The following TTC4 variants were observed in gnomAD, a reference collection of about 807,000 sequenced individuals.
TTC4 encodes the protein hsp70/Hsp90 co-chaperone CNS1 homolog.
Under a neutral mutation model 51.9 loss-of-function variants are expected in TTC4, and 36 were observed. That is an observed-to-expected ratio of 0.69 (90% CI 0.53 to 0.92). The LOEUF is 0.92. Among genes scored for constraint, TTC4 ranks in the 40% least tolerant of loss-of-function variants. The probability of loss-of-function intolerance (pLI) is 0.00; values close to 1 mark genes in which losing one functional copy is unlikely to be tolerated. For missense variants in TTC4, 399 were observed against 454.6 expected (o/e 0.88, Z 1.11); for synonymous variants, 144 against 164.2 (o/e 0.88, Z 0.94).
Position 54,741,432 on chromosome 1 carries a change from A to C in TTC4, c.1083A>C (p.Thr361=), listed in dbSNP as rs987246107. The change falls in exon 10 of 10, where the codon ACA becomes ACC. Residue 361 remains threonine (T), a synonymous_variant. Transcript: ENST00000371281. ...QHQRYFVKAL[T]PAFLVCVGSS... The stretch of plus-strand genomic sequence containing the variant: ...GCAGGTACTTTGTAAAAGCCCTGAC[A>C]CCAGCATTTTTGGTCTGTGTAGGAT... 6 of 1,614,084 alleles carry C rather than the reference A, an allele frequency of 3.7e-6. No homozygotes were observed. Among genetic ancestry groups the C allele is most frequent in the African/African-American group, 1.3e-5 (1 of 74,916 alleles).
At chr1:54,737,018 C>T (rs1557753633) in intron 8 of TTC4, 1 of 153,638 alleles carries the variant, frequency 6.5e-6, no homozygotes, top group Non-Finnish European at 1.5e-5. Flanking sequence ...TGGCCTCTGA[C>T]ACCCCACCTT....
At chr1:54,733,036 G>A (rs1054625937) in intron 7 of TTC4, among the ~76,000 whole-genome samples, 9 of 151,666 alleles carry the variant, frequency 5.9e-5, no homozygotes, top group Admixed American at 1.3e-4. Context: ...GCAGTGAGCA[G>A]AGATTGTTCC....
At chr1:54,719,794 G>A (rs1911229) in intron 3 of TTC4, among the ~76,000 whole-genome samples, 14,063 of 151,664 alleles carry the variant, frequency 0.093, 919 homozygotes, top group South Asian at 0.19. Context: ...ATATTTTTCT[G>A]ATAATTCTGA....
chr1:54,720,715 T>C (rs1214025836), intron 3 of TTC4, among the ~76,000 whole-genome samples: 1 of 152,204 alleles, frequency 6.6e-6, no homozygotes, highest in Non-Finnish European at 1.5e-5. Flanking sequence ...AGTAATGCTG[T>C]AGTTAACATG....
Position 54,716,008 on chromosome 1 carries a change from C to CA in TTC4, c.101dup (p.Trp35ValfsTer6). 6.3e-7 allele frequency: 1 copy of CA among 1,589,658 alleles called. No individual in the cohort carries two copies. Among genetic ancestry groups the CA allele is most frequent in the Non-Finnish European group, 8.6e-7 (1 of 1,168,568 alleles). The stretch of plus-strand genomic sequence containing the variant: ...TTACCGTGGCGGCTTTCATGAGGAC[C>CA]AGTGGGAGAAGGTGGGCGGTCCTGG... On this transcript the variant is annotated frameshift_variant, in exon 1 of 10. Coordinates refer to ENST00000371281, the MANE Select transcript of TTC4 (RefSeq NM_004623.5). LOFTEE classifies it high-confidence loss of function.
Position 54,741,718 on chromosome 1 carries a change from A to T in TTC4, c.*205A>T. ...CTGGTCTTCACTTTCCTCAGTTGAT[A>T]TAAAACTCTGGGTCTTGGCCATGAT... On this transcript the variant is annotated 3_prime_UTR_variant, in exon 10 of 10. Transcript: ENST00000371281. The T allele has an allele frequency of 1.7e-6, 1 of 590,172 alleles. No individual in the cohort carries two copies. Among genetic ancestry groups the T allele is most frequent in the Non-Finnish European group, 3.0e-6 (1 of 333,054 alleles). 36.6% of individuals were successfully genotyped at this position (590,172 alleles called of 1,614,324 possible).
chr1:54,717,304 A>T (rs1252797152), intron 2 of TTC4, among the ~76,000 whole-genome samples, 188 bp from the exon 3 acceptor site: 1 of 152,136 alleles, frequency 6.6e-6, no homozygotes, highest in African/African-American at 2.4e-5. Flanking sequence ...GATATTTGGA[A>T]TTAGCATTAC....
chr1:54,717,958 G>GT (rs1645695754), intron 3 of TTC4, among the ~76,000 whole-genome samples: 1 of 152,186 alleles, frequency 6.6e-6, no homozygotes, highest in African/African-American at 2.4e-5. Flanking sequence ...CAAAAAATGT[G>GT]TTTTTCTGGC....
At chr1:54,720,505 TTTTA>T (rs35568438) in intron 3 of TTC4, among the ~76,000 whole-genome samples, 8,105 of 150,044 alleles carry the variant, frequency 0.054, 245 homozygotes, top group African/African-American at 0.08. Context: ...TTTTTTTTTT[TTTTA>T]AATAGGCTTC....
intron 3 of TTC4, among the ~76,000 whole-genome samples, chr1:54,718,658 T>A (rs1020081496): frequency 6.6e-6 from 1 of 152,228 alleles, no homozygotes; most frequent in Non-Finnish European, 1.5e-5. Context: ...GTTTCTCAAA[T>A]TTTGTAAGCC....
chr1:54,717,536 G>A lies in TTC4; in HGVS notation c.274G>A (p.Glu92Lys), dbSNP rs767190084. The A allele has an allele frequency of 6.2e-7, 1 of 1,609,340 alleles. No homozygotes were observed. Among genetic ancestry groups the A allele is most frequent in the Non-Finnish European group, 8.5e-7 (1 of 1,178,514 alleles). The change falls in exon 3 of 10, where the codon GAA (glutamate) becomes AAA (lysine). Residue 92 changes from glutamate (E) to lysine (K), a missense_variant. Coordinates refer to ENST00000371281, the MANE Select transcript of TTC4 (RefSeq NM_004623.5). ...AGATGAGGGCAATGATTACTTTAAA[G>A]AAAAAGACTACAAGAAAGCTGTAAT... ...YKDEGNDYFKEKDYKKAVISY... is the reference protein window; with the variant it reads ...YKDEGNDYFKKKDYKKAVISY...
chr1:54,724,432 A>C lies in TTC4; in HGVS notation c.594+1633A>C, dbSNP rs1443428429. 7.4e-5 allele frequency among the ~76,000 whole-genome samples: 11 copies of C among 147,742 alleles called. No individual in the cohort carries two copies. In the South Asian group the frequency reaches 2.2e-3, roughly 29 times the overall value. On this transcript the variant is annotated intron_variant, in intron 5 of 9. Transcript: ENST00000371281. ...AGGCGTGCACCACCATGCCAGGCTAATTTTTTTTTTTAATTTGTAAATTTG... is the reference window on the plus strand; with the variant it reads ...AGGCGTGCACCACCATGCCAGGCTACTTTTTTTTTTTAATTTGTAAATTTG...
At chr1:54,728,462 T>C (rs1645827022) in intron 6 of TTC4, 30 bp downstream of exon 6, 1 of 1,588,368 alleles carries the variant, frequency 6.3e-7, no homozygotes, top group East Asian at 2.3e-5. Flanking sequence ...GTTTTTATGG[T>C]CCTGCTAAAT....
At chr1:54,737,757 T>G (rs12071624) in intron 9 of TTC4, 93 bp downstream of exon 9, 95,359 of 1,296,378 alleles carry the variant, frequency 0.074, 6,028 homozygotes, top group African/African-American at 0.27. Flanking sequence ...CTGAGACTGG[T>G]CAGTTTATAA....
At position 54,741,075 on chromosome 1, in the gene TTC4, G is replaced by A. The variant is rs146481529; in HGVS notation, c.1062-336G>A. On this transcript the variant is annotated intron_variant, in intron 9 of 9. Transcript: ENST00000371281. ...TTGAGAACAAAGATGATGGTGTGTG[G>A]GTGTTGGTTTTTTAATCTCTGTGTT... Among the ~76,000 whole-genome samples, 433 of 152,280 alleles carry A rather than the reference G, an allele frequency of 2.8e-3. 3 individuals carry two copies. Among genetic ancestry groups the A allele is most frequent in the South Asian group, 0.016 (79 of 4,818 alleles).
intron 3 of TTC4, among the ~76,000 whole-genome samples, chr1:54,720,104 A>G (rs1197419751): frequency 6.6e-6 from 1 of 151,942 alleles, no homozygotes; most frequent in Non-Finnish European, 1.5e-5. Context: ...GTCTTGCTAT[A>G]TTGCCCAGGC....
chr1:54,737,233 C>T (rs1645956928), intron 8 of TTC4: 1 of 185,822 alleles, frequency 5.4e-6, no homozygotes, highest in Non-Finnish European at 1.1e-5. Context: ...GCCACCATAG[C>T]TTTCTCCTCC....
At chr1:54,720,243 T>C (rs1270333007) in intron 3 of TTC4, among the ~76,000 whole-genome samples, 1 of 152,158 alleles carries the variant, frequency 6.6e-6, no homozygotes, top group Non-Finnish European at 1.5e-5. Context: ...TGAAGAAGAA[T>C]GTGCAGTAGA....
Position 54,741,784 on chromosome 1 carries a change from TA to T in TTC4, c.*272del. 6.1e-6 allele frequency: 3 copies of T among 491,978 alleles called. No homozygotes were observed. The highest frequency in any genetic ancestry group is 1.1e-5 in the Non-Finnish European group (3 of 272,494). 30.5% of individuals were successfully genotyped at this position (491,978 alleles called of 1,614,324 possible). On this transcript the variant is annotated 3_prime_UTR_variant, in exon 10 of 10. Coordinates refer to ENST00000371281, the MANE Select transcript of TTC4 (RefSeq NM_004623.5). ...CGCTAAAGGGACCATCTGCTGCAGT[TA>T]CCACAGCAACTGACCTGAGCGGCAC...
Sources: allele counts gnomAD v4.1 joint callset (sites outside exome capture counted in the v4.1 genomes callset), GRCh38; gene constraint gnomAD v4.1.1; transcripts MANE v1.5; gene names NCBI Gene and HGNC (gene_info 2026-07-23, HGNC 2026-07-21).